PGM5: variants seen among roughly 807,000 people sequenced by gnomAD.
PGM5 encodes phosphoglucomutase-like protein 5.
A neutral mutation model predicts 59.2 loss-of-function variants in PGM5; 23 were observed. The observed-to-expected ratio is 0.39, with a 90% CI of 0.28 to 0.55. PGM5 has a LOEUF of 0.55. Ranked by LOEUF, PGM5 falls within the 20% of genes least tolerant of loss-of-function variation. PGM5 has a pLI of 0.66. For missense variants in PGM5, 574 were observed against 748.3 expected, an observed-to-expected ratio of 0.77 and a Z score of 2.72; for synonymous variants, 214 against 286.0, an observed-to-expected ratio of 0.75 and a Z score of 2.54.
intron 6 of PGM5, among the ~76,000 whole-genome samples, chr9:68,420,433 A>G (rs1187445300): frequency 6.6e-6 from 1 of 152,210 alleles, no homozygotes; most frequent in African/African-American, 2.4e-5. Flanking sequence ...CCTTGAGCTT[A>G]TTCGCTCACA....
chr9:68,402,016 A>G (rs1320008787), intron 6 of PGM5, among the ~76,000 whole-genome samples: 8 of 152,024 alleles, frequency 5.3e-5, no homozygotes, highest in African/African-American at 1.9e-4. Flanking sequence ...TAATCCCAGC[A>G]CTTTGGGAGG....
At chr9:68,465,637 T>C (rs1823922238) in intron 7 of PGM5, among the ~76,000 whole-genome samples, 1 of 152,182 alleles carries the variant, frequency 6.6e-6, no homozygotes, top group Admixed American at 6.6e-5. Flanking sequence ...AATCTTTAAA[T>C]ATAAGGGCTC....
At chr9:68,475,184 ATTTT>A (rs782687667) in intron 7 of PGM5, among the ~76,000 whole-genome samples, 3 of 112,778 alleles carry the variant, frequency 2.7e-5, no homozygotes, top group African/African-American at 3.7e-5. Flanking sequence ...TGCCTGGCTA[ATTTT>A]TTTTTTTTTT....
At chr9:68,504,337 C>A (rs1355984542) in intron 10 of PGM5, among the ~76,000 whole-genome samples, 2 of 152,152 alleles carry the variant, frequency 1.3e-5, no homozygotes, top group Non-Finnish European at 2.9e-5. Context: ...ACATGTTAGA[C>A]CACCTCATAG....
Position 68,504,602 on chromosome 9 carries a change from C to T in PGM5, c.1614+5241C>T, listed in dbSNP as rs191214105. On this transcript the variant is annotated intron_variant, in intron 10 of 10. Coordinates refer to ENST00000396396, the MANE Select transcript of PGM5 (RefSeq NM_021965.4). ...ATCTGCATAGCTTGTCTCCTTACTT[C>T]TCAGTAAGGGTGTCCCTGGCCACCT... Among the ~76,000 whole-genome samples, 924 of 152,326 alleles carry T rather than the reference C, an allele frequency of 6.1e-3. 40 individuals are homozygous for T. The highest frequency in any genetic ancestry group is 0.054 in the Admixed American group (831 of 15,294).
At chr9:68,376,769 C>CTT (rs1821898867) in intron 1 of PGM5, among the ~76,000 whole-genome samples, 2 of 31,614 alleles carry the variant, frequency 6.3e-5, no homozygotes, top group African/African-American at 1.3e-4. Context: ...TTCTGCATTT[C>CTT]TTTCTTTCTT....
chr9:68,408,665 A>G (rs1284982224), intron 6 of PGM5, among the ~76,000 whole-genome samples: 1 of 152,138 alleles, frequency 6.6e-6, no homozygotes, highest in African/African-American at 2.4e-5. Flanking sequence ...TATGTCCTGA[A>G]TGGTAATGCC....
At chr9:68,455,250 C>T (rs1823755935) in intron 6 of PGM5, among the ~76,000 whole-genome samples, 1 of 152,308 alleles carries the variant, frequency 6.6e-6, no homozygotes, top group East Asian at 1.9e-4. Flanking sequence ...ACAGCTGACA[C>T]TCACATTCCC....
chr9:68,380,704 T>C (rs454791), intron 2 of PGM5, among the ~76,000 whole-genome samples: 2,382 of 151,758 alleles, frequency 0.016, 74 homozygotes, highest in African/African-American at 0.054. Flanking sequence ...CTAGATTCAC[T>C]AAAAAAAGCA....
At chr9:68,504,908 A>G (rs983654174) in intron 10 of PGM5, among the ~76,000 whole-genome samples, 2 of 152,188 alleles carry the variant, frequency 1.3e-5, no homozygotes, top group African/African-American at 2.4e-5. Context: ...TATATCACAC[A>G]GGAAGCTGAA....
chr9:68,460,453 G>A (rs889972729), intron 6 of PGM5, among the ~76,000 whole-genome samples: 1 of 152,086 alleles, frequency 6.6e-6, no homozygotes, highest in African/African-American at 2.4e-5. Flanking sequence ...TAAAAATAAT[G>A]TATCCTTTTG....
chr9:68,445,569 T>C (rs1354824045), intron 6 of PGM5, among the ~76,000 whole-genome samples: 2 of 152,220 alleles, frequency 1.3e-5, no homozygotes, highest in African/African-American at 4.8e-5. Context: ...CGTGGAGATC[T>C]TGCATTCTCT....
chr9:68,391,644 A>G lies in PGM5; in HGVS notation c.808A>G (p.Asn270Asp). Residue 270 changes from asparagine (N) to aspartate (D), a missense_variant, in exon 5 of 11, where the codon AAC becomes GAC. Coordinates refer to ENST00000396396, the MANE Select transcript of PGM5 (RefSeq NM_021965.4). ...EDFGGQHPDP[N>D]LTYATTLLEA... ...CTTTGGAGGGCAGCACCCTGACCCAAACCTGACATATGCAACGACTCTTCT... is the reference window on the plus strand; with the variant it reads ...CTTTGGAGGGCAGCACCCTGACCCAGACCTGACATATGCAACGACTCTTCT... 1 of 1,613,346 alleles carries G rather than the reference A, an allele frequency of 6.2e-7. No homozygotes were observed. Among genetic ancestry groups the G allele is most frequent in the Non-Finnish European group, 8.5e-7 (1 of 1,179,462 alleles).
At chr9:68,442,649 G>C (rs567419368) in intron 6 of PGM5, among the ~76,000 whole-genome samples, 15 of 152,304 alleles carry the variant, frequency 9.8e-5, no homozygotes, top group African/African-American at 3.6e-4. Flanking sequence ...ACTGATTTTT[G>C]ACAATGGTGC....
chr9:68,485,230 T>G (rs1887887), intron 9 of PGM5, among the ~76,000 whole-genome samples: 143,552 of 152,188 alleles, frequency 0.94, 68,118 homozygotes, highest in Non-Finnish European at 1. Flanking sequence ...TCTGCAACTG[T>G]ATCTCAAGTT....
At chr9:68,486,290 A>G (rs1356089475) in intron 9 of PGM5, among the ~76,000 whole-genome samples, 1 of 152,152 alleles carries the variant, frequency 6.6e-6, no homozygotes, top group Non-Finnish European at 1.5e-5. Flanking sequence ...TAATTCATAT[A>G]CCAGATGGTT....
Position 68,483,899 on chromosome 9 carries a change from T to G in PGM5, c.1330T>G (p.Tyr444Asp). 1 of 1,614,152 alleles carries G rather than the reference T, an allele frequency of 6.2e-7. No homozygotes were observed. Among genetic ancestry groups the G allele is most frequent in the Non-Finnish European group, 8.5e-7 (1 of 1,180,002 alleles). ...DYEGLDPKTT[Y>D]YIMRDLEALV... is the part of the protein sequence containing the mutation. ...TGAGGGGTTGGATCCCAAGACGACA[T>G]ATTATATCATGAGGGACCTGGAGGC... The change falls in exon 9 of 11, where the codon TAT (tyrosine) becomes GAT (aspartate). Residue 444 changes from tyrosine to aspartate, a missense_variant. Transcript: ENST00000396396.
intron 1 of PGM5, among the ~76,000 whole-genome samples, chr9:68,361,387 T>C (rs1460023392): frequency 5.9e-5 from 9 of 152,264 alleles, no homozygotes; most frequent in Admixed American, 5.2e-4. Context: ...GGTTGCTTTT[T>C]ATGGTGTCAT....
intron 7 of PGM5, among the ~76,000 whole-genome samples, chr9:68,470,231 G>A (rs905863387): frequency 1.3e-5 from 2 of 152,122 alleles, no homozygotes; most frequent in Admixed American, 1.3e-4. Context: ...AACAGAAATA[G>A]CCATGTTCAA....
Sources: gnomAD v4.1 joint callset for allele counts (sites outside exome capture counted in the v4.1 genomes callset) on GRCh38, gnomAD v4.1.1 for gene constraint, MANE v1.5 for transcripts, NCBI Gene and HGNC (gene_info 2026-07-23, HGNC 2026-07-21) for gene names.